The following DNAH2 variants were observed in gnomAD, a reference collection of about 807,000 sequenced individuals.
DNAH2 encodes the protein dynein axonemal heavy chain 2.
A neutral mutation model predicts 523.5 loss-of-function variants in DNAH2; 323 were observed. That is an observed-to-expected ratio of 0.62 (90% CI 0.56 to 0.68). The LOEUF (loss-of-function observed/expected upper bound fraction) is 0.68, where lower values mean the gene tolerates loss of function less well. Ranked by LOEUF, DNAH2 falls within the 30% of genes least tolerant of loss-of-function variation. DNAH2 has a pLI of 0.00. For missense variants in DNAH2, 4,907 were observed against 5,701.5 expected (o/e 0.86, Z 4.49); for synonymous variants, 2,093 against 2,177.4 (o/e 0.96, Z 1.08).
rs58689789 is a variant in DNAH2 at position 7,723,268 on chromosome 17, C to CTTTTTTTTTTTTT, written c.167-350_167-338dup. Among the ~76,000 whole-genome samples, 11 of 59,910 alleles carry CTTTTTTTTTTTTT rather than the reference C, an allele frequency of 1.8e-4. 1 individual carries two copies. The highest frequency in any genetic ancestry group is 6.6e-4 in the African/African-American group (8 of 12,096). The allele number at this position is 59,910 out of a possible 152,430, so 39.3% of individuals were successfully genotyped here. A position where few individuals can be genotyped will look rare whatever the true frequency, so the allele number is the denominator to read the frequency against. On this transcript the variant is annotated intron_variant, in intron 2 of 85. Transcript: ENST00000572933. ...TACAGGTGTGAGCCACTGTACCCGG[C>CTTTTTTTTTTTTT]TTTTTTTTTTTTTTTTTTTTTTGAG...
chr17:7,771,390 C>T lies in DNAH2; in HGVS notation c.4423C>T (p.Gln1475Ter). The T allele has an allele frequency of 6.2e-7, 1 of 1,614,048 alleles. No individual in the cohort carries two copies. The highest frequency in any genetic ancestry group is 1.1e-5 in the South Asian group (1 of 91,080). ...GCCCAATGAATCGACCTTATTTGAC[C>T]AGGTCAACAGCAACTGGAAAGCCAT... The part of the protein sequence containing the change: ...QLPNESTLFD[Q>*]VNSNWKAIMD... Residue 1475 changes from glutamine (Q) to a stop codon, truncating the protein, a stop_gained, in exon 28 of 86, where the codon CAG becomes TAG. Coordinates refer to ENST00000572933, the MANE Select transcript of DNAH2 (RefSeq NM_020877.5). LOFTEE classifies it high-confidence loss of function.
At chr17:7,730,527 T>A (rs1357026846) in intron 4 of DNAH2, among the ~76,000 whole-genome samples, 1 of 152,226 alleles carries the variant, frequency 6.6e-6, no homozygotes, top group Non-Finnish European at 1.5e-5. Flanking sequence ...TTGTTGCACA[T>A]CTTGGCTAAG....
chr17:7,737,678 T>C (rs2075180434), intron 8 of DNAH2, among the ~76,000 whole-genome samples: 2 of 150,706 alleles, frequency 1.3e-5, no homozygotes, highest in Non-Finnish European at 3.0e-5. Context: ...TCACTGGGGG[T>C]GAAAAAGCCA....
At position 7,767,960 on chromosome 17, in the gene DNAH2, G is replaced by C. The variant is rs772438678; in HGVS notation, c.3736G>C (p.Glu1246Gln). The change falls in exon 23 of 86, where the codon GAG (glutamate) becomes CAG (glutamine). Residue 1246 changes from glutamate (E) to glutamine (Q), a missense_variant. Glu to Gln is a conservative substitution (Grantham distance 29). Transcript: ENST00000572933. Reference protein sequence around the residue: ...IARDWEENWNEWKTGRFLILQ... With the variant: ...IARDWEENWNQWKTGRFLILQ... ...ACGAGACTGGGAGGAGAACTGGAAT[G>C]AGTGGAAGACTGGCCGGTTCCTGAT... is the stretch of plus-strand genomic sequence containing the variant. 1.2e-6 allele frequency: 2 copies of C among 1,614,162 alleles called. No individual in the cohort carries two copies. Among genetic ancestry groups the C allele is most frequent in the East Asian group, 4.5e-5 (2 of 44,882 alleles).
At position 7,824,660 on chromosome 17, in the gene DNAH2, T is replaced by C. The variant is rs777514853; in HGVS notation, c.11786T>C (p.Ile3929Thr). Residue 3929 changes from isoleucine (I) to threonine (T), a missense_variant, in exon 77 of 86, where the codon ATC (isoleucine) becomes ACC (threonine). Ile to Thr is a moderately conservative substitution (Grantham distance 89, BLOSUM62 -1). Coordinates refer to ENST00000572933, the MANE Select transcript of DNAH2 (RefSeq NM_020877.5). ...TCCTTCCGCCTCTGGCTCAGCTCCA[T>C]CCCCCACCCAGACTTCCCTATCTCA... ...HPSFRLWLSSIPHPDFPISIL... is the reference protein window; with the variant it reads ...HPSFRLWLSSTPHPDFPISIL... 1.9e-6 allele frequency: 3 copies of C among 1,606,898 alleles called. No homozygotes were observed. In the South Asian group the frequency reaches 3.3e-5, roughly 18 times the overall value.
Position 7,832,981 on chromosome 17 carries a change from T to C in DNAH2, c.12978+53T>C, listed in dbSNP as rs931064781. 1.1e-5 allele frequency: 18 copies of C among 1,613,682 alleles called. No homozygotes were observed. Among genetic ancestry groups the C allele is most frequent in the Middle Eastern group, 3.3e-4 (2 of 6,084 alleles). On this transcript the variant is annotated intron_variant, in intron 84 of 85. Coordinates refer to ENST00000572933, the MANE Select transcript of DNAH2 (RefSeq NM_020877.5). This position sits in a 1 kb window ranked among gnomAD's most constrained non-coding sequence, Gnocchi z 4.3. ...GAGCAAAAGAGGGTACTGGAAATAATTGGACGAAAAGGGAGGAGAGAGGGA... is the reference window on the plus strand; with the variant it reads ...GAGCAAAAGAGGGTACTGGAAATAACTGGACGAAAAGGGAGGAGAGAGGGA...
chr17:7,818,061 T>C lies in DNAH2; in HGVS notation c.10352T>C (p.Leu3451Pro). ...GTGCAGGAATATCTGGACCCCACAC[T>C]GAACCCCATGCTCAACAAATCTGTA... Reference protein sequence around the residue: ...QNVQEYLDPTLNPMLNKSVAR... With the variant: ...QNVQEYLDPTPNPMLNKSVAR... The change falls in exon 68 of 86, where the codon CTG becomes CCG. Residue 3451 changes from leucine (L) to proline (P), a missense_variant. Leu to Pro is a moderately conservative substitution (Grantham distance 98). Transcript: ENST00000572933. 6.2e-7 allele frequency: 1 copy of C among 1,613,368 alleles called. No homozygotes were observed. Among genetic ancestry groups the C allele is most frequent in the Non-Finnish European group, 8.5e-7 (1 of 1,180,034 alleles).
At chr17:7,806,173 T>C (rs2077361719) in intron 61 of DNAH2, among the ~76,000 whole-genome samples, 1 of 152,208 alleles carries the variant, frequency 6.6e-6, no homozygotes, top group African/African-American at 2.4e-5. Context: ...TGTTATAAAA[T>C]AGACTTTGTG....
chr17:7,751,594 C>A (rs2075684796), intron 12 of DNAH2, among the ~76,000 whole-genome samples: 1 of 151,998 alleles, frequency 6.6e-6, no homozygotes, highest in African/African-American at 2.4e-5. Flanking sequence ...TTAGAGTTGA[C>A]CCAATCTCAT....
At chr17:7,752,165 A>ACACTCT (rs112585179) in intron 12 of DNAH2, among the ~76,000 whole-genome samples, 1 of 148,334 alleles carries the variant, frequency 6.7e-6, no homozygotes, top group Admixed American at 6.8e-5. Flanking sequence ...CATTTTACAC[A>ACACTCT]CACACACACA....
At chr17:7,766,553 C>T (rs2076173471) in intron 22 of DNAH2, 72 bp downstream of exon 22, 5 of 1,478,172 alleles carry the variant, frequency 3.4e-6, no homozygotes, top group African/African-American at 1.4e-5. Context: ...GTCCTTAGCG[C>T]CCACAAAGGC....
At chr17:7,730,033 A>G (rs1809961838) in intron 4 of DNAH2, among the ~76,000 whole-genome samples, 1 of 152,156 alleles carries the variant, frequency 6.6e-6, no homozygotes. Flanking sequence ...AGAGGAACAA[A>G]GCATGCAAAA....
At chr17:7,737,914 T>G in intron 8 of DNAH2, 1 of 694,376 alleles carries the variant, frequency 1.4e-6, no homozygotes, top group South Asian at 1.5e-5. Flanking sequence ...AGAGAAGGAG[T>G]TGGGTGTCAA....
At chr17:7,756,687 A>G (rs1364692259) in intron 12 of DNAH2, among the ~76,000 whole-genome samples, 6 of 151,446 alleles carry the variant, frequency 4.0e-5, no homozygotes, top group Non-Finnish European at 8.8e-5. Context: ...ATTTATAATG[A>G]TTATTGTTTT....
chr17:7,802,092 G>T (rs8073332), intron 58 of DNAH2, 75 bp downstream of exon 58: 420,225 of 1,574,142 alleles, frequency 0.27, 61,277 homozygotes, highest in Non-Finnish European at 0.3. Flanking sequence ...AAATGATGCT[G>T]ATGTGCAAGG....
chr17:7,801,749 C>G (rs2077229022), intron 57 of DNAH2, 39 bp downstream of exon 57: 1 of 1,612,076 alleles, frequency 6.2e-7, no homozygotes, highest in South Asian at 1.1e-5. Context: ...CATCCCTGGC[C>G]TCCCTCTCCC....
intron 77 of DNAH2, among the ~76,000 whole-genome samples, chr17:7,829,791 G>A (rs1388397812): frequency 6.6e-6 from 1 of 151,878 alleles, no homozygotes; most frequent in African/African-American, 2.4e-5. Flanking sequence ...TTGGGAGGCC[G>A]AGGCGGGTGG....
At chr17:7,767,505 G>A (rs1173468420) in intron 22 of DNAH2, among the ~76,000 whole-genome samples, 1 of 151,966 alleles carries the variant, frequency 6.6e-6, no homozygotes, top group East Asian at 1.9e-4. Flanking sequence ...ACTTTTTGAG[G>A]AGCTGCCAAG....
At chr17:7,758,185 C>T (rs2075897327) in intron 13 of DNAH2, among the ~76,000 whole-genome samples, 1 of 152,162 alleles carries the variant, frequency 6.6e-6, no homozygotes, top group African/African-American at 2.4e-5. Flanking sequence ...CTCATTGGTA[C>T]AGGCCACATT....
Sources: gnomAD v4.1 joint callset for allele counts (sites outside exome capture counted in the v4.1 genomes callset) on GRCh38, gnomAD v4.1.1 for gene constraint, Gnocchi (gnomAD v3.1) non-coding constraint, MANE v1.5 for transcripts, NCBI Gene and HGNC (gene_info 2026-07-23, HGNC 2026-07-21) for gene names.